Variants in POMT1 observed in about 807,000 individuals in gnomAD.
POMT1 encodes the protein protein O-mannosyl-transferase 1.
Under a neutral mutation model 101.6 loss-of-function variants are expected in POMT1, and 85 were observed. The ratio of observed to expected loss-of-function variants is 0.84; its 90% CI spans 0.70 to 1.00. POMT1 has a LOEUF of 1.00. Ranked by LOEUF, POMT1 falls within the 50% of genes least tolerant of loss-of-function variation. The pLI is 0.00. For synonymous variants in POMT1, 371 were observed against 383.0 expected, an observed-to-expected ratio of 0.97 and a Z score of 0.37; for missense variants, 857 against 930.4, an observed-to-expected ratio of 0.92 and a Z score of 1.03.
intron 12 of POMT1, among the ~76,000 whole-genome samples, chr9:131,513,538 T>C (rs1176080572): frequency 6.6e-6 from 1 of 152,186 alleles, no homozygotes; most frequent in Admixed American, 6.5e-5. Context: ...AAGCAGGGGC[T>C]CTGTGAGGAC....
Position 131,519,027 on chromosome 9 carries a change from C to T in POMT1, c.1486+70C>T. 2 of 1,603,956 alleles carry T rather than the reference C, an allele frequency of 1.2e-6. No individual in the cohort carries two copies. The highest frequency in any genetic ancestry group is 1.7e-6 in the Non-Finnish European group (2 of 1,177,866). ...AGCTGCTCAATATTTGATAACACCC[C>T]AGAGTTCTCATTTTGGTGGGAAGGG... is the stretch of plus-strand genomic sequence containing the variant. On this transcript the variant is annotated intron_variant, in intron 15 of 19. Transcript: ENST00000402686. The surrounding 1 kb of genome is among the most constrained non-coding windows in gnomAD (Gnocchi z 4.3).
rs1413309902 is a variant in POMT1, at chr9:131,522,144, C to T, written c.1923C>T (p.Leu641=). 6.2e-7 allele frequency: 1 copy of T among 1,614,102 alleles called. No homozygotes were observed. Among genetic ancestry groups the T allele is most frequent in the East Asian group, 2.2e-5 (1 of 44,902 alleles). Residue 641 remains leucine (L), a synonymous_variant, in exon 19 of 20, where the codon CTC becomes CTT. Transcript: ENST00000402686. The surrounding 1 kb of genome is among the most constrained non-coding windows in gnomAD (Gnocchi z 5.5). ...TCCTGATGGAGAAGACACTCTTCCT[C>T]TACCACTACCTGCCCGCACTCACCT... ...PFFLMEKTLF[L]YHYLPALTFQ...
intron 12 of POMT1, among the ~76,000 whole-genome samples, chr9:131,513,729 C>A (rs558257522): frequency 6.6e-6 from 1 of 152,342 alleles, no homozygotes; most frequent in South Asian, 2.1e-4. Context: ...AGCTCGGGCA[C>A]GAGTGGAGCC....
intron 13 of POMT1, 145 bp from the exon 14 acceptor site, chr9:131,518,300 C>T (rs1353221341): frequency 2.4e-6 from 2 of 822,314 alleles, no homozygotes; most frequent in South Asian, 1.3e-5. Context: ...AGGCCAGTAC[C>T]AGCCCCTTAT....
chr9:131,513,201 C>G (rs370445482), intron 11 of POMT1, 38 bp from the exon 12 acceptor site: 1 of 1,569,766 alleles, frequency 6.4e-7, no homozygotes, highest in Admixed American at 1.7e-5. Flanking sequence ...TCGAGGGGAC[C>G]AGGCTCTGTG....
chr9:131,515,389 C>G, intron 12 of POMT1, 37 bp from the exon 13 acceptor site: 1 of 1,597,532 alleles, frequency 6.3e-7, no homozygotes. Flanking sequence ...CAGAGGAGTT[C>G]AAGGAATTTT....
chr9:131,504,324 T>A lies in POMT1; in HGVS notation c.106T>A (p.Tyr36Asn). ...ACTGAGCCGGCTGTGGCGACTCACC[T>A]ACCCGCGGGCTGTGGTGTAAGCTAA... ...GLLSRLWRLT[Y>N]PRAVVFDEVY... is the part of the protein sequence containing the mutation. Residue 36 changes from tyrosine (Y) to asparagine (N), a missense_variant, in exon 2 of 20, where the codon TAC becomes AAC. Tyr to Asn is a moderately radical substitution (Grantham distance 143, BLOSUM62 -2). Coordinates refer to ENST00000402686, the MANE Select transcript of POMT1 (RefSeq NM_001077365.2). 6.2e-7 allele frequency: 1 copy of A among 1,614,220 alleles called. No homozygotes were observed. Among genetic ancestry groups the A allele is most frequent in the Non-Finnish European group, 8.5e-7 (1 of 1,180,028 alleles).
rs1165772972 is a variant in POMT1 at position 131,522,839 on chromosome 9, G to A, written c.2004-93G>A. 6 of 1,325,204 alleles carry A rather than the reference G, an allele frequency of 4.5e-6. No individual in the cohort carries two copies. In the Admixed American group the frequency reaches 9.9e-5, roughly 22 times the overall value. The allele number at this position is 1,325,204 out of a possible 1,614,324, so 82.1% of individuals were successfully genotyped here. On this transcript the variant is annotated intron_variant, in intron 19 of 19. Transcript: ENST00000402686. This position sits in a 1 kb window ranked among gnomAD's most constrained non-coding sequence, Gnocchi z 5.5. ...GAAGGCAGAACCCCAGGCCTCGGGG[G>A]GTGACCGTGTGGACAGCAGATGCCA...
intron 6 of POMT1, among the ~76,000 whole-genome samples, chr9:131,509,261 C>T (rs1946563723): frequency 6.6e-6 from 1 of 152,158 alleles, no homozygotes; most frequent in Non-Finnish European, 1.5e-5. Context: ...AGCAATTCTC[C>T]AGCCTCAGTC....
At chr9:131,521,903 A>G in intron 18 of POMT1, 144 bp from the exon 19 acceptor site, 1 of 1,496,586 alleles carries the variant, frequency 6.7e-7, no homozygotes, top group South Asian at 1.3e-5. Context: ...TTGGGAGGCC[A>G]AAGTGAGGGA....
chr9:131,521,977 A>G (rs1325153349), intron 18 of POMT1, 70 bp from the exon 19 acceptor site: 6 of 1,605,796 alleles, frequency 3.7e-6, no homozygotes, highest in Admixed American at 3.3e-5. Flanking sequence ...CTCTCTAAAA[A>G]AGCAAAAGAG....
chr9:131,521,172 G>A (rs922596815), intron 17 of POMT1, 174 bp from the exon 18 acceptor site: 3 of 840,422 alleles, frequency 3.6e-6, no homozygotes, highest in Admixed American at 4.1e-5. Flanking sequence ...AAAGGTCTGA[G>A]TAGGAGCAGA....
At chr9:131,513,453 T>C in intron 12 of POMT1, 122 bp downstream of exon 12, 1 of 904,336 alleles carries the variant, frequency 1.1e-6, no homozygotes, top group Non-Finnish European at 1.8e-6. Context: ...TCTGCATGTG[T>C]AGCAGCTCTT....
intron 9 of POMT1, 184 bp from the exon 10 acceptor site, chr9:131,511,153 C>T: frequency 3.0e-6 from 2 of 672,518 alleles, no homozygotes; most frequent in Non-Finnish European, 4.9e-6. Context: ...TTTGATCAGA[C>T]TTAGTGCTCA....
At chr9:131,507,765 A>G (rs1168335531) in intron 5 of POMT1, among the ~76,000 whole-genome samples, 1 of 152,202 alleles carries the variant, frequency 6.6e-6, no homozygotes, top group Non-Finnish European at 1.5e-5. Flanking sequence ...TGCAAAGTCC[A>G]TGCACACGTG....
chr9:131,505,658 G>T (rs1945627280), intron 2 of POMT1, among the ~76,000 whole-genome samples: 1 of 149,692 alleles, frequency 6.7e-6, no homozygotes, highest in African/African-American at 2.5e-5. Context: ...CTCCCTGATT[G>T]AAAACATGTT....
rs147266709 is a variant in POMT1 at position 131,523,065 on chromosome 9, C to T, written c.2137C>T (p.Arg713Cys). Residue 713 changes from arginine to cysteine, a missense_variant, in exon 20 of 20, where the codon CGC becomes TGC. By Grantham distance (180) the Arg-to-Cys change is radical. Transcript: ENST00000402686. The stretch of plus-strand genomic sequence containing the variant: ...CTCGCCACATGAACTCAAGGCCCTT[C>T]GCTGGAAAGACAGCTGGGACATCTT... The part of the protein sequence containing the change: ...SLSPHELKAL[R>C]WKDSWDILIR... 0.013 allele frequency: 20,551 copies of T among 1,611,524 alleles called. 192 individuals are homozygous for T. The highest frequency in any genetic ancestry group is 0.016 in the Non-Finnish European group (18,343 of 1,179,830).
chr9:131,516,045 G>A (rs35076804), intron 13 of POMT1, among the ~76,000 whole-genome samples: 2,870 of 15,092 alleles, frequency 0.19, 193 homozygotes, highest in South Asian at 0.35. Context: ...TTCCTCACAC[G>A]GAGCACTTCC....
chr9:131,521,502 C>CT, intron 18 of POMT1, 30 bp downstream of exon 18: 1 of 1,609,234 alleles, frequency 6.2e-7, no homozygotes, highest in East Asian at 2.2e-5. Context: ...GGCTTTCTTT[C>CT]TTTTTAATAT....
Sources: gnomAD v4.1 joint callset for allele counts (sites outside exome capture counted in the v4.1 genomes callset) on GRCh38, gnomAD v4.1.1 for gene constraint, Gnocchi (gnomAD v3.1) non-coding constraint, MANE v1.5 for transcripts, NCBI Gene and HGNC (gene_info 2026-07-23, HGNC 2026-07-21) for gene names.